The following DEPDC1 variants were observed in gnomAD, a reference collection of about 807,000 sequenced individuals.
DEPDC1 encodes DEP domain-containing protein 1A.
DEPDC1 carries 66 observed loss-of-function variants against 86.8 expected under a neutral mutation model. That is an observed-to-expected ratio of 0.76 (90% CI 0.62 to 0.93). The LOEUF (loss-of-function observed/expected upper bound fraction) is 0.93, where lower values mean the gene tolerates loss of function less well. DEPDC1 is among the 40% of genes least tolerant of loss of function. DEPDC1 has a pLI of 0.00. For missense variants in DEPDC1, 792 were observed against 935.7 expected, an observed-to-expected ratio of 0.85 and a Z score of 2.00; for synonymous variants, 255 against 314.9, an observed-to-expected ratio of 0.81 and a Z score of 2.02.
chr1:68,486,878 TATA>T (rs1646195785), intron 6 of DEPDC1, 56 bp downstream of exon 6: 1 of 1,300,388 alleles, frequency 7.7e-7, no homozygotes, highest in Non-Finnish European at 9.9e-7. Context: ...ATACTATCAA[TATA>T]ACACACACAC....
rs765458728 is a variant in DEPDC1, at chr1:68,494,616, C to A, written c.128G>T (p.Cys43Phe). Residue 43 changes from cysteine (C) to phenylalanine (F), a missense_variant, in exon 2 of 12, where the codon TGT becomes TTT. Cys to Phe is a radical substitution (Grantham distance 205). Transcript: ENST00000456315. ...HRQHFKKYGN[C>F]FTAGEAVDWL... ...ATCCACTGCTTCTCCTGCTGTGAAA[C>A]AATTGCCATATTTTTTAAAGTGTTG... is the stretch of plus-strand genomic sequence containing the variant. 1.2e-6 allele frequency: 2 copies of A among 1,613,798 alleles called. No individual in the cohort carries two copies. Among genetic ancestry groups the A allele is most frequent in the Non-Finnish European group, 8.5e-7 (1 of 1,179,786 alleles).
chr1:68,494,751 T>C, intron 1 of DEPDC1, 56 bp from the exon 2 acceptor site: 1 of 1,385,204 alleles, frequency 7.2e-7, no homozygotes, highest in East Asian at 2.4e-5. Context: ...AATCTCATAT[T>C]GATTTGAAGT....
In DEPDC1 at chr1:68,482,541, A is replaced by C. The variant is rs755572709; in HGVS notation, c.1267T>G (p.Leu423Val). ...SSNSKPRCCS[L>V]EGIVDVPGNS... ...CCTGGCACATCTACAATTCCTTCCA[A>C]AGAACAGCACCTTGGTTTGCTGTTA... The change falls in exon 8 of 12, where the codon TTG (leucine) becomes GTG (valine). Residue 423 changes from leucine to valine, a missense_variant. Leu to Val is a conservative substitution (Grantham distance 32). Coordinates refer to ENST00000456315, the MANE Select transcript of DEPDC1 (RefSeq NM_001114120.3). The C allele has an allele frequency of 6.2e-7, 1 of 1,613,188 alleles. No homozygotes were observed. The highest frequency in any genetic ancestry group is 8.5e-7 in the Non-Finnish European group (1 of 1,179,358).
intron 5 of DEPDC1, 107 bp downstream of exon 5, chr1:68,488,267 C>T: frequency 1.9e-6 from 2 of 1,031,992 alleles, no homozygotes; most frequent in Non-Finnish European, 2.7e-6. Context: ...CCCTCTGATG[C>T]TCCATGAAAG....
intron 10 of DEPDC1, among the ~76,000 whole-genome samples, chr1:68,478,174 T>C (rs893093332): frequency 1.3e-5 from 2 of 151,998 alleles, no homozygotes; most frequent in Admixed American, 1.3e-4. Context: ...GTTTGTAGCA[T>C]TCAACAATGT....
Position 68,497,028 on chromosome 1 carries a change from G to A in DEPDC1, c.-29C>T. On this transcript the variant is annotated 5_prime_UTR_variant, in exon 1 of 12. Transcript: ENST00000456315. ...TCTGTCAGCGCCCGGTGGCGTCCATGGCGGCGAAGGCGACACTCAGGCCCA... is the reference window on the plus strand; with the variant it reads ...TCTGTCAGCGCCCGGTGGCGTCCATAGCGGCGAAGGCGACACTCAGGCCCA... The A allele has an allele frequency of 6.2e-7, 1 of 1,610,370 alleles. No individual in the cohort carries two copies. Among genetic ancestry groups the A allele is most frequent in the Non-Finnish European group, 8.5e-7 (1 of 1,177,820 alleles).
chr1:68,494,670 C>T lies in DEPDC1; in HGVS notation c.74G>A (p.Arg25Gln), dbSNP rs371164383. The T allele has an allele frequency of 1.2e-4, 187 of 1,611,962 alleles. No individual in the cohort carries two copies. The highest frequency in any genetic ancestry group is 5.0e-4 in the Admixed American group (30 of 59,902). ...GTGTTTTCTTAGAGGCATTCCTGCT[C>T]GAAAAGATGTGGTAACTTCATTCCA... ...KLWNEVTTSF[R>Q]AGMPLRKHRQ... Residue 25 changes from arginine (R) to glutamine (Q), a missense_variant, in exon 2 of 12, where the codon CGA (arginine) becomes CAA (glutamine). By Grantham distance (43) the Arg-to-Gln change is conservative. Transcript: ENST00000456315.
chr1:68,484,078 T>A lies in DEPDC1; in HGVS notation c.782A>T (p.Asn261Ile). 1.3e-6 allele frequency: 2 copies of A among 1,567,278 alleles called. No individual in the cohort carries two copies. The highest frequency in any genetic ancestry group is 2.8e-5 in the African/African-American group (2 of 71,932). The change falls in exon 7 of 12, where the codon AAT becomes ATT. Residue 261 changes from asparagine to isoleucine, a missense_variant. Coordinates refer to ENST00000456315, the MANE Select transcript of DEPDC1 (RefSeq NM_001114120.3). The part of the protein sequence containing the change: ...MKCLANWPRS[N>I]DMNNPTYVGF... ...AACATAAGTTGGATTATTCATATCA[T>A]TGCTTCTTGGCCCTAAGAAGTAGAA...
intron 7 of DEPDC1, 80 bp from the exon 8 acceptor site, chr1:68,482,977 A>G: frequency 7.2e-7 from 1 of 1,398,044 alleles, no homozygotes; most frequent in Non-Finnish European, 9.7e-7. Flanking sequence ...AGTAAAGTTA[A>G]AAAATAAAGC....
chr1:68,478,423 T>C (rs1646131618), intron 10 of DEPDC1, among the ~76,000 whole-genome samples: 1 of 147,174 alleles, frequency 6.8e-6, no homozygotes, highest in Admixed American at 6.9e-5. Flanking sequence ...TTTACTGAAA[T>C]GAAATATTTT....
At chr1:68,491,280 G>A (rs1646227341) in intron 2 of DEPDC1, among the ~76,000 whole-genome samples, 1 of 152,010 alleles carries the variant, frequency 6.6e-6, no homozygotes, top group South Asian at 2.1e-4. Context: ...TGCAAACTAT[G>A]AATCTGACAA....
intron 6 of DEPDC1, among the ~76,000 whole-genome samples, chr1:68,485,026 T>C (rs1442309576): frequency 6.6e-6 from 1 of 151,788 alleles, no homozygotes; most frequent in Non-Finnish European, 1.5e-5. Flanking sequence ...ATCTAGGTTT[T>C]AGAGCCATTA....
Position 68,496,131 on chromosome 1 carries a change from A to G in DEPDC1, c.48+821T>C, listed in dbSNP as rs1334004905. Among the ~76,000 whole-genome samples, 1 of 152,192 alleles carries G rather than the reference A, an allele frequency of 6.6e-6. No homozygotes were observed. Among genetic ancestry groups the G allele is most frequent in the East Asian group, 1.9e-4 (1 of 5,192 alleles). On this transcript the variant is annotated intron_variant, in intron 1 of 11. Transcript: ENST00000456315. This position sits in a 1 kb window ranked among gnomAD's most constrained non-coding sequence, Gnocchi z 4.0. The stretch of plus-strand genomic sequence containing the variant: ...CTGTGAGCCTCAGTGTGCACCTGAT[A>G]AAGTAGGGCTAATAATACATGCTCG...
At chr1:68,491,827 G>C (rs1266082105) in intron 2 of DEPDC1, among the ~76,000 whole-genome samples, 1 of 151,790 alleles carries the variant, frequency 6.6e-6, no homozygotes, top group Non-Finnish European at 1.5e-5. Context: ...GAGTGCAGTA[G>C]TGTGATCACG....
At position 68,482,262 on chromosome 1, in the gene DEPDC1, T is replaced by C; in HGVS notation, c.1546A>G (p.Arg516Gly). 6.2e-7 allele frequency: 1 copy of C among 1,612,698 alleles called. No homozygotes were observed. Among genetic ancestry groups the C allele is most frequent in the South Asian group, 1.1e-5 (1 of 90,998 alleles). Residue 516 changes from arginine to glycine, a missense_variant, in exon 8 of 12, where the codon AGA becomes GGA. By Grantham distance (125) the Arg-to-Gly change is moderately radical. Coordinates refer to ENST00000456315, the MANE Select transcript of DEPDC1 (RefSeq NM_001114120.3). ...TAACTATTCCTTCTTGTACTACTTCTTAAAAGCAAACTCTGAGACCTACAA... is the reference window on the plus strand; with the variant it reads ...TAACTATTCCTTCTTGTACTACTTCCTAAAAGCAAACTCTGAGACCTACAA... ...QLCRSQSLLL[R>G]SSTRRNSYIN...
At chr1:68,484,510 AAAT>A (rs1448072990) in intron 6 of DEPDC1, among the ~76,000 whole-genome samples, 9 of 152,054 alleles carry the variant, frequency 5.9e-5, no homozygotes, top group African/African-American at 1.9e-4. Context: ...TAATGAATTT[AAAT>A]AATATCTTTA....
chr1:68,487,079 TATACAC>T (rs1557620634), intron 5 of DEPDC1, 95 bp from the exon 6 acceptor site: 3 of 1,089,606 alleles, frequency 2.8e-6, no homozygotes, highest in Admixed American at 2.6e-5. Context: ...TATATATGTA[TATACAC>T]ATACACATAC....
chr1:68,490,184 T>A (rs1445566031), intron 2 of DEPDC1, among the ~76,000 whole-genome samples: 1 of 152,150 alleles, frequency 6.6e-6, no homozygotes, highest in African/African-American at 2.4e-5. Context: ...AGTAAACTTG[T>A]GTTGTGGAGG....
At chr1:68,483,157 T>C (rs1646169558) in intron 7 of DEPDC1, 3 of 539,744 alleles carry the variant, frequency 5.6e-6, no homozygotes, top group South Asian at 5.5e-5. Context: ...ATTAAATGGA[T>C]TGAGCCAGAA....
Sources: allele counts gnomAD v4.1 joint callset (sites outside exome capture counted in the v4.1 genomes callset), GRCh38; gene constraint gnomAD v4.1.1; non-coding constraint Gnocchi (gnomAD v3.1); transcripts MANE v1.5; gene names NCBI Gene and HGNC (gene_info 2026-07-23, HGNC 2026-07-21).